The following MCFD2 variants were observed in gnomAD, a reference collection of about 807,000 sequenced individuals.
The protein encoded by MCFD2 is multiple coagulation factor deficiency protein 2.
In MCFD2, 11 loss-of-function variants were observed where a neutral mutation model predicts 12.8. That is an observed-to-expected ratio of 0.86 (90% CI 0.54 to 1.42). The LOEUF is 1.42. Ranked by LOEUF, MCFD2 falls within the 40% of genes most tolerant of loss-of-function variation. The probability of loss-of-function intolerance (pLI) is 0.00; values close to 1 mark genes in which losing one functional copy is unlikely to be tolerated. For synonymous variants in MCFD2, 70 were observed against 68.1 expected (o/e 1.03, Z -0.14); for missense variants, 191 against 178.6 (o/e 1.07, Z -0.40).
At chr2:46,919,941 C>T (rs1360337733), upstream of MCFD2, among the ~76,000 whole-genome samples, 3 of 152,234 alleles carry the variant, frequency 2.0e-5, no homozygotes, top group African/African-American at 7.2e-5. Context: ...GTATTTCTCT[C>T]TCCCTTATTC....
chr2:46,919,052 T>C (rs1275414572), upstream of MCFD2, among the ~76,000 whole-genome samples: 1 of 152,208 alleles, frequency 6.6e-6, no homozygotes, highest in Non-Finnish European at 1.5e-5. Flanking sequence ...CTAGGTGGCA[T>C]CTCTTTCCTC....
Position 46,903,529 on chromosome 2 carries a change from G to A in MCFD2, c.*1934C>T, listed in dbSNP as rs1668095727. 1 of 152,262 alleles carries A rather than the reference G, an allele frequency of 6.6e-6. No individual in the cohort carries two copies. Among genetic ancestry groups the A allele is most frequent in the African/African-American group, 2.4e-5 (1 of 41,452 alleles). 9.4% of individuals were successfully genotyped at this position (152,262 alleles called of 1,614,324 possible). The stretch of plus-strand genomic sequence containing the variant: ...CTTGTTGAATGGCTTTGCCCCAAAT[G>A]CTGATAGCAATATGGACAACAAAGT... On this transcript the variant is annotated 3_prime_UTR_variant, in exon 4 of 4. Coordinates refer to ENST00000319466, the MANE Select transcript of MCFD2 (RefSeq NM_139279.6).
At position 46,924,470 on chromosome 2, in the gene MCFD2, T is replaced by A. The variant is rs192691510; in HGVS notation, c.-7-16501A>T. On this transcript the variant is annotated intron_variant, in intron 1 of 2. Coordinates refer to the MCFD2 transcript ENST00000409147. ...TCATATTTGTGAAGAATTTATATTT[T>A]GTATTTGAGTATAATAATATTCTAA... is the stretch of plus-strand genomic sequence containing the variant. 9.2e-5 allele frequency among the ~76,000 whole-genome samples: 14 copies of A among 152,290 alleles called. No individual in the cohort carries two copies. The East Asian group carries it at 2.7e-3, about 29-fold the overall frequency.
At chr2:46,928,459 T>TAAAAA (rs35897582) in intron 1 of MCFD2, among the ~76,000 whole-genome samples, 1 of 81,986 alleles carries the variant, frequency 1.2e-5, no homozygotes, top group African/African-American at 3.8e-5. Context: ...AAAGGGAAAT[T>TAAAAA]AAAAAAAAAA....
Position 46,907,355 on chromosome 2 carries a change from G to A in MCFD2, c.309+455C>T, listed in dbSNP as rs1668286486. ...ACAGAAAGAGGCAGAACACAGAAGA[G>A]AAAGAAGCAGCAGCACCTTTTTTTT... is the stretch of plus-strand genomic sequence containing the variant. On this transcript the variant is annotated intron_variant, in intron 3 of 3. Transcript: ENST00000319466. The surrounding 1 kb of genome is among the most constrained non-coding windows in gnomAD (Gnocchi z 4.1). The A allele has an allele frequency of 4.8e-6, 1 of 206,912 alleles. No individual in the cohort carries two copies. Among genetic ancestry groups the A allele is most frequent in the Non-Finnish European group, 9.9e-6 (1 of 100,980 alleles). 12.8% of individuals were successfully genotyped at this position (206,912 alleles called of 1,614,324 possible).
chr2:46,922,299 C>T (rs9973623), intron 1 of MCFD2, among the ~76,000 whole-genome samples: 27,612 of 152,088 alleles, frequency 0.18, 2,627 homozygotes, highest in Middle Eastern at 0.2. Context: ...TTTCCTTGAG[C>T]GTTTTTATAA....
chr2:46,911,887 A>T (rs12472899), intron 1 of MCFD2, among the ~76,000 whole-genome samples: 106,442 of 152,106 alleles, frequency 0.7, 38,800 homozygotes, highest in African/African-American at 0.9. Context: ...ATCTGCTACC[A>T]TTTTTTATGA....
Position 46,941,752 on chromosome 2 carries a change from C to T in MCFD2, c.-188G>A. The T allele has an allele frequency of 6.5e-7, 1 of 1,547,172 alleles. No homozygotes were observed. Among genetic ancestry groups the T allele is most frequent in the Non-Finnish European group, 8.7e-7 (1 of 1,145,708 alleles). ...TGAGTAAGGGAAGAGGCTGGCTCGC[C>T]GGCAGCGAGCGCGCGAAACGCACCG... On this transcript the variant is annotated 5_prime_UTR_variant, in exon 1 of 3. Transcript: ENST00000409147. This position sits in a 1 kb window ranked among gnomAD's most constrained non-coding sequence, Gnocchi z 4.2.
chr2:46,915,914 G>T (rs944120863), upstream of MCFD2: 197 of 984,980 alleles, frequency 2.0e-4, no homozygotes, highest in Non-Finnish European at 2.2e-4. Flanking sequence ...CTGTGAGGAC[G>T]GCTCGCGTGA....
In MCFD2 at chr2:46,934,893, C is replaced by T. The variant is rs371958523; in HGVS notation, c.-8+6679G>A. 9.8e-4 allele frequency among the ~76,000 whole-genome samples: 138 copies of T among 141,054 alleles called. No individual in the cohort carries two copies. The Middle Eastern group carries it at 0.012, about 13-fold the overall frequency. 92.5% of individuals were successfully genotyped at this position (141,054 alleles called of 152,430 possible). A position where few individuals can be genotyped will look rare whatever the true frequency, so the allele number is the denominator to read the frequency against. ...TGGGCTCACTGCAACCTCCGCCTCC[C>T]GGGTTCAAGCGATTCTCTTGCCTCA... is the stretch of plus-strand genomic sequence containing the variant. On this transcript the variant is annotated intron_variant, in intron 1 of 2. Coordinates refer to the MCFD2 transcript ENST00000409147.
intron 1 of MCFD2, among the ~76,000 whole-genome samples, chr2:46,939,952 C>T (rs2103873855): frequency 6.6e-6 from 1 of 152,316 alleles, no homozygotes; most frequent in East Asian, 1.9e-4. Context: ...AGAACAGTCC[C>T]CAGGTGCTCA....
upstream of MCFD2, among the ~76,000 whole-genome samples, chr2:46,918,318 T>C (rs964693437): frequency 6.6e-6 from 1 of 152,258 alleles, no homozygotes; most frequent in Admixed American, 6.5e-5. Context: ...AGCCTGTTGA[T>C]GCTATCAAAA....
At chr2:46,935,906 C>A (rs1489916486) in intron 1 of MCFD2, among the ~76,000 whole-genome samples, 1 of 151,944 alleles carries the variant, frequency 6.6e-6, no homozygotes, top group Non-Finnish European at 1.5e-5. Flanking sequence ...GCCTGGGCAA[C>A]ATAGCAAGAT....
intron 1 of MCFD2, among the ~76,000 whole-genome samples, chr2:46,914,588 T>C (rs147348397): frequency 1.9e-4 from 29 of 152,324 alleles, no homozygotes; most frequent in Middle Eastern, 3.4e-3. Flanking sequence ...GCTGCATTTA[T>C]ACATTTAATG....
At chr2:46,933,697 G>A (rs73926967) in intron 1 of MCFD2, among the ~76,000 whole-genome samples, 8,749 of 152,336 alleles carry the variant, frequency 0.057, 309 homozygotes, top group African/African-American at 0.09. Context: ...ACTACATAAA[G>A]TTGGGAAGGC....
chr2:46,926,150 G>C (rs935544390), intron 1 of MCFD2, among the ~76,000 whole-genome samples: 2 of 152,178 alleles, frequency 1.3e-5, no homozygotes, highest in African/African-American at 4.8e-5. Context: ...CTCCACAGAA[G>C]AATCTCCTCC....
intron 1 of MCFD2, among the ~76,000 whole-genome samples, chr2:46,930,225 G>T (rs1041490458): frequency 6.6e-6 from 1 of 151,792 alleles, no homozygotes; most frequent in Non-Finnish European, 1.5e-5. Flanking sequence ...ACAAAAACTG[G>T]TTCTTTTTTC....
chr2:46,941,351 C>A lies in MCFD2; in HGVS notation c.-8+221G>T, dbSNP rs1039459981. ...CAGCCCGGAGGCGCCGGGCGGTGCG[C>A]TGGGAGCTGCTGGTGCTGCTGCTGC... On this transcript the variant is annotated intron_variant, in intron 1 of 2. Transcript: ENST00000409147. This position sits in a 1 kb window ranked among gnomAD's most constrained non-coding sequence, Gnocchi z 4.2. The A allele has an allele frequency of 9.1e-5, 29 of 320,114 alleles. No homozygotes were observed. Among genetic ancestry groups the A allele is most frequent in the Non-Finnish European group, 1.4e-4 (28 of 203,996 alleles). The allele number at this position is 320,114 out of a possible 1,614,324, so 19.8% of individuals were successfully genotyped here.
intron 1 of MCFD2, among the ~76,000 whole-genome samples, chr2:46,926,182 G>C: frequency 6.6e-6 from 1 of 152,320 alleles, no homozygotes; most frequent in African/African-American, 2.4e-5. Context: ...GTTGTGAGTC[G>C]TGAAGACTTT....
Sources: allele counts gnomAD v4.1 joint callset (sites outside exome capture counted in the v4.1 genomes callset), GRCh38; gene constraint gnomAD v4.1.1; non-coding constraint Gnocchi (gnomAD v3.1); transcripts MANE v1.5; gene names NCBI Gene and HGNC (gene_info 2026-07-23, HGNC 2026-07-21).